TNRC6C: variants seen among roughly 807,000 people sequenced by gnomAD.
TNRC6C encodes trinucleotide repeat containing adaptor 6C, also known as trinucleotide repeat-containing gene 6C protein.
TNRC6C carries 20 observed loss-of-function variants against 153.7 expected under a neutral mutation model. That is an observed-to-expected ratio of 0.13 (90% confidence interval 0.09 to 0.19). TNRC6C has a LOEUF of 0.19. Ranked by LOEUF, TNRC6C falls within the 10% of genes least tolerant of loss-of-function variation. The probability of loss-of-function intolerance (pLI) is 1.00; values close to 1 mark genes in which losing one functional copy is unlikely to be tolerated. For synonymous variants in TNRC6C, 811 were observed against 841.4 expected, an observed-to-expected ratio of 0.96 and a Z score of 0.63; for missense variants, 1,987 against 2,172.0, an observed-to-expected ratio of 0.91 and a Z score of 1.69.
intron 1 of TNRC6C, among the ~76,000 whole-genome samples, chr17:77,985,941 A>T (rs907770214): frequency 1.3e-5 from 2 of 152,234 alleles, no homozygotes; most frequent in Non-Finnish European, 2.9e-5. Flanking sequence ...ATACCCAGAA[A>T]ACCCAAGATG....
intron 18 of TNRC6C, 27 bp downstream of exon 21, chr17:78,102,571 G>A (rs377573376): frequency 3.8e-6 from 6 of 1,581,800 alleles, no homozygotes; most frequent in Non-Finnish European, 5.2e-6. Flanking sequence ...CTGCATCACT[G>A]AGCATGATCC....
intron 1 of TNRC6C, among the ~76,000 whole-genome samples, chr17:78,023,920 G>A (rs942621316): frequency 6.6e-6 from 1 of 152,080 alleles, no homozygotes; most frequent in Non-Finnish European, 1.5e-5. Context: ...GACCAGCCTG[G>A]CCGACATGGT....
At chr17:78,100,012 C>G (rs1200737571) in intron 17 of TNRC6C, among the ~76,000 whole-genome samples, 4 of 152,220 alleles carry the variant, frequency 2.6e-5, no homozygotes, top group Non-Finnish European at 5.9e-5. Flanking sequence ...TCTCAAAGCT[C>G]CAAAATGATC....
chr17:78,038,629 A>C (rs539130488), intron 2 of TNRC6C, among the ~76,000 whole-genome samples: 84 of 148,540 alleles, frequency 5.7e-4, no homozygotes, highest in African/African-American at 2.0e-3. Context: ...CAGTGAGCTG[A>C]GATGGTGCCA....
chr17:78,099,018 C>A (rs2073539956), intron 17 of TNRC6C, among the ~76,000 whole-genome samples: 1 of 152,192 alleles, frequency 6.6e-6, no homozygotes, highest in Admixed American at 6.5e-5. Context: ...TTTGAAAAAA[C>A]AACTCTCATA....
chr17:78,001,500 A>G (rs1442380092), upstream of TNRC6C, among the ~76,000 whole-genome samples: 1 of 152,232 alleles, frequency 6.6e-6, no homozygotes, highest in Non-Finnish European at 1.5e-5. Flanking sequence ...ATGACTGAAT[A>G]ATATGATAAC....
chr17:78,005,033 T>C, upstream of TNRC6C: 1 of 1,215,382 alleles, frequency 8.2e-7, no homozygotes, highest in Non-Finnish European at 1.0e-6. Flanking sequence ...TCTTTCTTTC[T>C]TTCTCTCTCT....
intron 1 of TNRC6C, among the ~76,000 whole-genome samples, chr17:77,992,781 T>A (rs1029707451): frequency 2.6e-5 from 4 of 152,262 alleles, no homozygotes; most frequent in Non-Finnish European, 2.9e-5. Context: ...AGGGAAACTT[T>A]TTCTTCCCTT....
Position 77,986,370 on chromosome 17 carries a change from G to A in TNRC6C, c.-37-17800G>A, listed in dbSNP as rs532853146. Among the ~76,000 whole-genome samples the A allele has an allele frequency of 2.9e-3, 418 of 145,114 alleles. 2 individuals carry two copies. Among genetic ancestry groups the A allele is most frequent in the Middle Eastern group, 0.014 (4 of 278 alleles). ...ACAGGTTGTGGTGAGCCGAGATCGC[G>A]CCATTGCACTCCAGCCTGGACAACA... On this transcript the variant is annotated intron_variant, in intron 1 of 22. Transcript: ENST00000636222.
chr17:78,068,396 C>T (rs1323085012), intron 5 of TNRC6C, among the ~76,000 whole-genome samples: 2 of 152,182 alleles, frequency 1.3e-5, no homozygotes, highest in Non-Finnish European at 2.9e-5. Flanking sequence ...TAGCAATAGA[C>T]ACAACTCATG....
intron 1 of TNRC6C, among the ~76,000 whole-genome samples, chr17:77,963,929 G>C (rs2144032486): frequency 6.6e-6 from 1 of 152,286 alleles, no homozygotes; most frequent in Non-Finnish European, 1.5e-5. Context: ...TAGGAAATAA[G>C]AGTTGTCTGT....
intron 2 of TNRC6C, among the ~76,000 whole-genome samples, chr17:78,041,795 G>A (rs557901667): frequency 1.3e-5 from 2 of 152,158 alleles, no homozygotes; most frequent in South Asian, 2.1e-4. Flanking sequence ...CTTAGTAAAC[G>A]TATACTATCA....
intron 1 of TNRC6C, among the ~76,000 whole-genome samples, chr17:77,997,659 T>A (rs2071348764): frequency 1.3e-5 from 2 of 152,134 alleles, no homozygotes; most frequent in South Asian, 4.2e-4. Flanking sequence ...ACGTTGTTTT[T>A]TTTTTTTATT....
At chr17:77,985,155 A>G (rs959898870) in intron 1 of TNRC6C, among the ~76,000 whole-genome samples, 1 of 152,194 alleles carries the variant, frequency 6.6e-6, no homozygotes, top group African/African-American at 2.4e-5. Context: ...AAGAGGTTTA[A>G]AGCATGATCA....
At chr17:78,072,255 A>G (rs921781069) in intron 6 of TNRC6C, among the ~76,000 whole-genome samples, 1 of 152,208 alleles carries the variant, frequency 6.6e-6, no homozygotes, top group Admixed American at 6.5e-5. Context: ...CTCAGTTATC[A>G]TGGCACCCTA....
chr17:77,998,707 T>C (rs1295376711), intron 1 of TNRC6C, among the ~76,000 whole-genome samples: 1 of 152,234 alleles, frequency 6.6e-6, no homozygotes, highest in Non-Finnish European at 1.5e-5. Flanking sequence ...GGAGCATAGT[T>C]ATAATAACTG....
At chr17:78,084,217 G>A (rs372236223) in intron 11 of TNRC6C, among the ~76,000 whole-genome samples, 1 of 151,402 alleles carries the variant, frequency 6.6e-6, no homozygotes, top group Non-Finnish European at 1.5e-5. Flanking sequence ...CTGGAAGGCG[G>A]AGGTTGCAGT....
At chr17:78,056,557 A>C (rs866489871) in intron 3 of TNRC6C, among the ~76,000 whole-genome samples, 1 of 149,632 alleles carries the variant, frequency 6.7e-6, no homozygotes, top group Non-Finnish European at 1.5e-5. Flanking sequence ...TCCGCCTCCC[A>C]GGTTCACGCC....
rs781398960 is a variant in TNRC6C at position 78,104,241 on chromosome 17, C to T, written c.4713-244C>T. ...GGATGCAAATGACACTGACCCTAAA[C>T]GAGCCCACATTTAATGATCTGTTCA... On this transcript the variant is annotated intron_variant, in intron 19 of 19. Transcript: ENST00000301624. This position sits in a 1 kb window ranked among gnomAD's most constrained non-coding sequence, Gnocchi z 6.2. Among the ~76,000 whole-genome samples the T allele has an allele frequency of 6.6e-6, 1 of 152,190 alleles. No homozygotes were observed. The highest frequency in any genetic ancestry group is 1.5e-5 in the Non-Finnish European group (1 of 68,034).
Sources: allele counts gnomAD v4.1 joint callset (sites outside exome capture counted in the v4.1 genomes callset), GRCh38; gene constraint gnomAD v4.1.1; non-coding constraint Gnocchi (gnomAD v3.1); transcripts MANE v1.5; gene names NCBI Gene and HGNC (gene_info 2026-07-23, HGNC 2026-07-21).